Variants in DYNC1LI2 observed in about 807,000 individuals in gnomAD.
DYNC1LI2 encodes dynein cytoplasmic 1 light intermediate chain 2.
DYNC1LI2 carries 19 observed loss-of-function variants against 57.8 expected under a neutral mutation model. The observed-to-expected ratio is 0.33, with a 90% CI of 0.23 to 0.48. The LOEUF is 0.48. Among genes scored for constraint, DYNC1LI2 ranks in the 20% least tolerant of loss-of-function variants. The probability of loss-of-function intolerance (pLI) is 0.99; values close to 1 mark genes in which losing one functional copy is unlikely to be tolerated. For missense variants in DYNC1LI2, 470 were observed against 604.2 expected (o/e 0.78, Z 2.33); for synonymous variants, 256 against 233.4 (o/e 1.10, Z -0.88).
intron 11 of DYNC1LI2, 61 bp from the exon 12 acceptor site, chr16:66,726,005 C>A: frequency 5.2e-6 from 8 of 1,550,980 alleles, no homozygotes; most frequent in Non-Finnish European, 6.1e-6. Context: ...AAATTAAACA[C>A]CCTAGTTCTC....
At chr16:66,727,341 G>A (rs963341377) in intron 11 of DYNC1LI2, among the ~76,000 whole-genome samples, 6 of 152,164 alleles carry the variant, frequency 3.9e-5, no homozygotes, top group Non-Finnish European at 7.4e-5. Context: ...TGCTATGATC[G>A]TATCACTGTG....
intron 4 of DYNC1LI2, among the ~76,000 whole-genome samples, chr16:66,737,897 G>T (rs954192712): frequency 6.6e-6 from 1 of 152,184 alleles, no homozygotes; most frequent in Non-Finnish European, 1.5e-5. Context: ...AAATGCAACA[G>T]TTAAAGCTAC....
chr16:66,734,065 C>T lies in DYNC1LI2; in HGVS notation c.793+153G>A, dbSNP rs374096467. The T allele has an allele frequency of 5.5e-5, 34 of 617,196 alleles. No individual in the cohort carries two copies. The Middle Eastern group carries it at 1.3e-3, about 24-fold the overall frequency. The allele number at this position is 617,196 out of a possible 1,614,324, so 38.2% of individuals were successfully genotyped here. On this transcript the variant is annotated intron_variant, in intron 6 of 12. Coordinates refer to ENST00000258198, the MANE Select transcript of DYNC1LI2 (RefSeq NM_006141.3). ...ACACAAGTTAATAAACCTAAAACTCCGATACAGTAAAACATAAACCTAGTA... is the reference window on the plus strand; with the variant it reads ...ACACAAGTTAATAAACCTAAAACTCTGATACAGTAAAACATAAACCTAGTA...
At chr16:66,731,834 A>G (rs1482477207) in intron 7 of DYNC1LI2, 1 of 152,744 alleles carries the variant, frequency 6.5e-6, no homozygotes, top group African/African-American at 2.4e-5. Context: ...GAAAGACACC[A>G]GCTTAGGAAA....
Position 66,736,241 on chromosome 16 carries a change from A to G in DYNC1LI2, c.533T>C (p.Val178Ala), listed in dbSNP as rs2017732281. The change falls in exon 5 of 13, where the codon GTG becomes GCG. Residue 178 changes from valine to alanine, a missense_variant. Val to Ala is a moderately conservative substitution (Grantham distance 64). Coordinates refer to ENST00000258198, the MANE Select transcript of DYNC1LI2 (RefSeq NM_006141.3). Reference protein sequence around the residue: ...EKMRELERKFVKDFQDYMEPE... With the variant: ...EKMRELERKFAKDFQDYMEPE... ...TTCCATATAGTCTTGAAAATCTTTC[A>G]CAACTGGGGGAAAAAGAGGAAAAAA... is the stretch of plus-strand genomic sequence containing the variant. 6.2e-7 allele frequency: 1 copy of G among 1,611,028 alleles called. No individual in the cohort carries two copies. Among genetic ancestry groups the G allele is most frequent in the African/African-American group, 1.3e-5 (1 of 74,744 alleles).
rs368949261 is a variant in DYNC1LI2, at chr16:66,742,424, T to A, written c.529+14A>T. 17 of 1,609,576 alleles carry A rather than the reference T, an allele frequency of 1.1e-5. No individual in the cohort carries two copies. In the African/African-American group the frequency reaches 2.1e-4, roughly 20 times the overall value. On this transcript the variant is annotated intron_variant, in intron 4 of 12. Coordinates refer to ENST00000258198, the MANE Select transcript of DYNC1LI2 (RefSeq NM_006141.3). ...TCGTGAACTTCCCAATTAAGAAAAT[T>A]ATATTTTACTCACACTTCCGTTCCA... is the stretch of plus-strand genomic sequence containing the variant.
chr16:66,721,730 T>C lies in DYNC1LI2; in HGVS notation c.*1992A>G, dbSNP rs978314506. 1 of 152,670 alleles carries C rather than the reference T, an allele frequency of 6.6e-6. No individual in the cohort carries two copies. Among genetic ancestry groups the C allele is most frequent in the African/African-American group, 2.4e-5 (1 of 41,458 alleles). The allele number at this position is 152,670 out of a possible 1,614,324, so 9.5% of individuals were successfully genotyped here. ...ATTTCATCAGTTTTAGTATATTTTATATTGACACAAAAAGTGCTTATCAGT... is the reference window on the plus strand; with the variant it reads ...ATTTCATCAGTTTTAGTATATTTTACATTGACACAAAAAGTGCTTATCAGT... On this transcript the variant is annotated 3_prime_UTR_variant, in exon 13 of 13. Transcript: ENST00000258198.
At chr16:66,727,642 A>T in intron 11 of DYNC1LI2, 46 bp downstream of exon 11, 1 of 1,601,584 alleles carries the variant, frequency 6.2e-7, no homozygotes, top group Non-Finnish European at 8.5e-7. Context: ...CTCAGGTCTA[A>T]AACTAAACTA....
intron 5 of DYNC1LI2, among the ~76,000 whole-genome samples, chr16:66,735,291 G>A (rs900315067): frequency 6.6e-6 from 1 of 151,626 alleles, no homozygotes; most frequent in Admixed American, 6.6e-5. Context: ...AGTAGAGACA[G>A]GGTTTCACCA....
chr16:66,737,136 G>A (rs2017748215), intron 4 of DYNC1LI2, among the ~76,000 whole-genome samples: 1 of 152,112 alleles, frequency 6.6e-6, no homozygotes, highest in African/African-American at 2.4e-5. Context: ...AGCTAAGGAT[G>A]GTGGTGCACC....
At chr16:66,735,967 T>A in intron 5 of DYNC1LI2, 108 bp downstream of exon 5, 1 of 1,420,384 alleles carries the variant, frequency 7.0e-7, no homozygotes. Context: ...GAATCTCAAA[T>A]AAGCCCAAGT....
In DYNC1LI2 at chr16:66,751,034, G is replaced by A. The variant is rs763953070; in HGVS notation, c.181+239C>T. On this transcript the variant is annotated intron_variant, in intron 2 of 12. Transcript: ENST00000258198. The surrounding 1 kb of genome is among the most constrained non-coding windows in gnomAD (Gnocchi z 5.2). ...AGGCAATGAAGGCATAGAGGGCCAA[G>A]TGACTGAAACAATATGCCGACAACC... Among the ~76,000 whole-genome samples the A allele has an allele frequency of 1.3e-5, 2 of 152,182 alleles. No individual in the cohort carries two copies. Among genetic ancestry groups the A allele is most frequent in the Admixed American group, 6.5e-5 (1 of 15,280 alleles).
intron 7 of DYNC1LI2, 96 bp from the exon 8 acceptor site, chr16:66,730,319 A>C: frequency 9.7e-7 from 1 of 1,027,602 alleles, no homozygotes; most frequent in Non-Finnish European, 1.4e-6. Flanking sequence ...GACACTTCTC[A>C]CAAGATATAG....
rs1487314323 is a variant in DYNC1LI2 at position 66,743,835 on chromosome 16, T to TA, written c.299-1168dup. Among the ~76,000 whole-genome samples, 7 of 152,318 alleles carry TA rather than the reference T, an allele frequency of 4.6e-5. No individual in the cohort carries two copies. In the South Asian group the frequency reaches 6.2e-4, roughly 14 times the overall value. On this transcript the variant is annotated intron_variant, in intron 3 of 12. Coordinates refer to ENST00000258198, the MANE Select transcript of DYNC1LI2 (RefSeq NM_006141.3). ...TGTGAAGATAAAATCATCACTTACATAAACTGAGATATGAATTACCAGACG... is the reference window on the plus strand; with the variant it reads ...TGTGAAGATAAAATCATCACTTACATAAAACTGAGATATGAATTACCAGACG...
intron 3 of DYNC1LI2, 111 bp downstream of exon 3, chr16:66,749,086 A>T: frequency 9.5e-7 from 1 of 1,057,672 alleles, no homozygotes; most frequent in Non-Finnish European, 1.4e-6. Context: ...TAACTCTCTG[A>T]GAACCAAACA....
At chr16:66,738,643 A>G (rs967281602) in intron 4 of DYNC1LI2, among the ~76,000 whole-genome samples, 1 of 151,934 alleles carries the variant, frequency 6.6e-6, no homozygotes, top group East Asian at 1.9e-4. Flanking sequence ...GTGGCAGGCC[A>G]AGGCGGGTGG....
At chr16:66,734,423 C>A in intron 5 of DYNC1LI2, 112 bp from the exon 6 acceptor site, 1 of 1,006,584 alleles carries the variant, frequency 9.9e-7, no homozygotes, top group Admixed American at 2.3e-5. Context: ...AGCCACAGCT[C>A]AGGGTCCAAG....
At chr16:66,734,115 G>T in intron 6 of DYNC1LI2, 103 bp downstream of exon 6, 1 of 1,019,074 alleles carries the variant, frequency 9.8e-7, no homozygotes. Flanking sequence ...AATTCTCTTT[G>T]GCAGAACACT....
chr16:66,737,458 A>G (rs1455977377), intron 4 of DYNC1LI2, among the ~76,000 whole-genome samples: 1 of 135,460 alleles, frequency 7.4e-6, no homozygotes, highest in Non-Finnish European at 1.5e-5. Context: ...AGGGAGTCGG[A>G]GGTTGCAGTA....
Sources: allele counts gnomAD v4.1 joint callset (sites outside exome capture counted in the v4.1 genomes callset), GRCh38; gene constraint gnomAD v4.1.1; non-coding constraint Gnocchi (gnomAD v3.1); transcripts MANE v1.5; gene names NCBI Gene and HGNC (gene_info 2026-07-23, HGNC 2026-07-21).